The following GRIK2 variants were observed in gnomAD, a reference collection of about 807,000 sequenced individuals.
The protein encoded by GRIK2 is glutamate ionotropic receptor kainate type subunit 2.
A neutral mutation model predicts 100.3 loss-of-function variants in GRIK2; 32 were observed. That is an observed-to-expected ratio of 0.32 (90% CI 0.24 to 0.43). The LOEUF (loss-of-function observed/expected upper bound fraction) is 0.43, where lower values mean the gene tolerates loss of function less well. Among genes scored for constraint, GRIK2 ranks in the 20% least tolerant of loss-of-function variants. GRIK2 has a pLI of 1.00. For synonymous variants in GRIK2, 417 were observed against 389.4 expected (o/e 1.07, Z -0.83); for missense variants, 843 against 1,114.9 (o/e 0.76, Z 3.47).
intron 14 of GRIK2, among the ~76,000 whole-genome samples, chr6:101,929,098 A>G (rs1008840437): frequency 2.0e-5 from 3 of 152,162 alleles, no homozygotes; most frequent in Non-Finnish European, 4.4e-5. Context: ...CTTATTATCT[A>G]TACGTTCACC....
intron 5 of GRIK2, among the ~76,000 whole-genome samples, chr6:101,681,871 A>G (rs1454355993): frequency 2.0e-5 from 3 of 152,204 alleles, no homozygotes; most frequent in African/African-American, 4.8e-5. Flanking sequence ...TTTCAAAAGC[A>G]TTCTCTTATT....
intron 2 of GRIK2, among the ~76,000 whole-genome samples, chr6:101,433,576 G>A (rs765359361): frequency 1.3e-5 from 2 of 151,914 alleles, no homozygotes; most frequent in Non-Finnish European, 2.9e-5. Context: ...CTGATCTGAT[G>A]TGTCTAAAAA....
chr6:101,407,589 T>G (rs896590123), intron 2 of GRIK2, among the ~76,000 whole-genome samples: 1 of 152,132 alleles, frequency 6.6e-6, no homozygotes, highest in African/African-American at 2.4e-5. Context: ...GGGTTATTGC[T>G]CTTTTCTCTT....
chr6:101,694,246 C>T (rs1772316213), intron 7 of GRIK2, among the ~76,000 whole-genome samples: 1 of 152,008 alleles, frequency 6.6e-6, no homozygotes, highest in Non-Finnish European at 1.5e-5. Context: ...AAGTACAGGG[C>T]ACAAAGTAAA....
At chr6:102,026,457 A>G (rs1327311650) in intron 14 of GRIK2, among the ~76,000 whole-genome samples, 1 of 151,108 alleles carries the variant, frequency 6.6e-6, no homozygotes. Context: ...TGACAGTAAA[A>G]TATATTCTTG....
Position 101,783,413 on chromosome 6 carries a change from C to T in GRIK2, c.952-16235C>T, listed in dbSNP as rs568365038. On this transcript the variant is annotated intron_variant, in intron 7 of 16. Transcript: ENST00000369134. Reference sequence around the variant, plus strand: ...GTTTCCTGAGGCCTCTCCAGTCATGCGGAACTGTGAGTCAATTAAATCTCT... The same window carrying T: ...GTTTCCTGAGGCCTCTCCAGTCATGTGGAACTGTGAGTCAATTAAATCTCT... Among the ~76,000 whole-genome samples the T allele has an allele frequency of 7.2e-5, 11 of 152,196 alleles. No homozygotes were observed. The East Asian group carries it at 7.7e-4, about 11-fold the overall frequency.
intron 15 of GRIK2, among the ~76,000 whole-genome samples, chr6:102,036,163 CATA>C (rs780752691): frequency 2.1e-4 from 32 of 150,090 alleles, no homozygotes; most frequent in Middle Eastern, 3.4e-3. Flanking sequence ...TCCAGAAAAC[CATA>C]ATAAAACTCT....
At chr6:102,011,275 T>C (rs1049213081) in intron 14 of GRIK2, among the ~76,000 whole-genome samples, 2 of 152,162 alleles carry the variant, frequency 1.3e-5, no homozygotes, top group African/African-American at 4.8e-5. Flanking sequence ...GTTGTTTTAG[T>C]GTGCAATTCC....
At chr6:101,563,017 C>A (rs1777092468) in intron 2 of GRIK2, among the ~76,000 whole-genome samples, 1 of 152,164 alleles carries the variant, frequency 6.6e-6, no homozygotes, top group South Asian at 2.1e-4. Context: ...ACATCAAATT[C>A]ACTAAAAAAT....
At chr6:101,446,984 T>TA (rs1770415267) in intron 2 of GRIK2, among the ~76,000 whole-genome samples, 2 of 146,814 alleles carry the variant, frequency 1.4e-5, no homozygotes, top group African/African-American at 2.5e-5. Flanking sequence ...TATTATATGT[T>TA]TATATATATG....
In GRIK2 at chr6:101,931,809, T is replaced by C. The variant is rs567328500; in HGVS notation, c.2085+3177T>C. Among the ~76,000 whole-genome samples, 8 of 152,264 alleles carry C rather than the reference T, an allele frequency of 5.3e-5. 2 individuals are homozygous for C. The highest frequency in any genetic ancestry group is 1.9e-4 in the African/African-American group (8 of 41,584). On this transcript the variant is annotated intron_variant, in intron 14 of 16. Coordinates refer to ENST00000369134, the MANE Select transcript of GRIK2 (RefSeq NM_021956.5). ...ATAGAAAACTGCATGGTATCACCAA[T>C]ATGTTCTTAATCATATTTAGATAGT...
chr6:101,407,197 T>C (rs776729523), intron 2 of GRIK2, among the ~76,000 whole-genome samples: 11 of 152,154 alleles, frequency 7.2e-5, no homozygotes, highest in Admixed American at 1.3e-4. Context: ...CAATTCATCA[T>C]AGATTTTAGT....
intron 2 of GRIK2, among the ~76,000 whole-genome samples, chr6:101,527,764 G>T (rs574002278): frequency 1.3e-5 from 2 of 152,250 alleles, no homozygotes; most frequent in South Asian, 4.1e-4. Flanking sequence ...GCACAACCCA[G>T]TAGAATTATC....
intron 16 of GRIK2, among the ~76,000 whole-genome samples, chr6:102,058,949 C>T (rs1771607308): frequency 6.6e-6 from 1 of 150,978 alleles, no homozygotes. Context: ...AATATCTTTC[C>T]ATATTAAGTC....
At chr6:101,914,912 C>G (rs982517436) in intron 12 of GRIK2, among the ~76,000 whole-genome samples, 2 of 151,430 alleles carry the variant, frequency 1.3e-5, no homozygotes, top group African/African-American at 4.8e-5. Context: ...CTTTCTTAAC[C>G]ATAGTTTAAC....
intron 13 of GRIK2, 137 bp downstream of exon 13, chr6:101,924,856 A>G (rs1789785636): frequency 3.2e-6 from 2 of 634,516 alleles, no homozygotes; most frequent in Admixed American, 2.6e-5. Flanking sequence ...CATCGACCTA[A>G]TGCATTTAGG....
chr6:101,631,872 G>A (rs1019241486), intron 4 of GRIK2, among the ~76,000 whole-genome samples: 11 of 151,994 alleles, frequency 7.2e-5, no homozygotes, highest in Non-Finnish European at 1.6e-4. Context: ...ATTCTGATCT[G>A]TTTCCCTCTT....
rs543753140 is a variant in GRIK2 at position 101,763,704 on chromosome 6, A to G, written c.952-35944A>G. Among the ~76,000 whole-genome samples the G allele has an allele frequency of 2.6e-3, 396 of 152,294 alleles. 5 individuals are homozygous for G. The highest frequency in any genetic ancestry group is 4.5e-3 in the Non-Finnish European group (309 of 68,036). ...TAACATATTCCTGTTAATTCATCTA[A>G]ACTTAGTTGAAATTTAAAATATGTT... On this transcript the variant is annotated intron_variant, in intron 7 of 16. Coordinates refer to ENST00000369134, the MANE Select transcript of GRIK2 (RefSeq NM_021956.5).
chr6:101,551,372 C>G (rs767601621), intron 2 of GRIK2, among the ~76,000 whole-genome samples: 3 of 152,020 alleles, frequency 2.0e-5, no homozygotes, highest in Non-Finnish European at 4.4e-5. Flanking sequence ...GAATGCCATT[C>G]TAGGTATGCA....
Sources: allele counts gnomAD v4.1 joint callset (sites outside exome capture counted in the v4.1 genomes callset), GRCh38; gene constraint gnomAD v4.1.1; transcripts MANE v1.5; gene names NCBI Gene and HGNC (gene_info 2026-07-23, HGNC 2026-07-21).